IL1RAPL1: variants seen among roughly 807,000 people sequenced by gnomAD.
The protein encoded by IL1RAPL1 is interleukin-1 receptor accessory protein-like 1.
IL1RAPL1 carries 3 observed loss-of-function variants against 48.4 expected under a neutral mutation model. That is an observed-to-expected ratio of 0.06 (90% CI 0.03 to 0.16). The LOEUF is 0.16. Ranked by LOEUF, IL1RAPL1 falls within the 10% of genes least tolerant of loss-of-function variation. The pLI, the probability that IL1RAPL1 is intolerant of heterozygous loss-of-function variation, is 1.00. For missense variants in IL1RAPL1, 349 were observed against 530.6 expected (o/e 0.66, Z 3.36); for synonymous variants, 185 against 187.7 (o/e 0.99, Z 0.12).
Position 29,221,667 on chromosome X carries a change from A to G in IL1RAPL1, c.83-61271A>G, listed in dbSNP as rs1249544691. ...CACACACACACACACACACACACAC[A>G]CACACATATGACAGACTTCTCCAGC... On this transcript the variant is annotated intron_variant, in intron 2 of 10. Transcript: ENST00000378993. Among the ~76,000 whole-genome samples, 2 of 89,868 alleles carry G rather than the reference A, an allele frequency of 2.2e-5. 1 individual carries two copies. The highest frequency in any genetic ancestry group is 9.9e-4 in the South Asian group (2 of 2,020). The allele number at this position is 89,868 out of a possible 115,157, so 78.0% of individuals were successfully genotyped here.
chrX:29,171,010 T>C (rs1929896869), intron 2 of IL1RAPL1, among the ~76,000 whole-genome samples: 1 of 111,324 alleles, frequency 9.0e-6, no homozygotes, highest in African/African-American at 3.3e-5. Flanking sequence ...TTTTGTTTTG[T>C]TTTTGAGATG....
At chrX:29,677,321 AT>A (rs1368718508) in intron 6 of IL1RAPL1, among the ~76,000 whole-genome samples, 1 of 111,947 alleles carries the variant, frequency 8.9e-6, no homozygotes, top group African/African-American at 3.2e-5. Flanking sequence ...ATTCCCACAG[AT>A]TTGTGGGTAA....
intron 3 of IL1RAPL1, among the ~76,000 whole-genome samples, chrX:29,297,908 C>G (rs939988342): frequency 9.0e-6 from 1 of 111,679 alleles, no homozygotes; most frequent in Non-Finnish European, 1.9e-5. Flanking sequence ...TTGCAGCAAT[C>G]TGACAACAAA....
chrX:29,780,378 A>G (rs943481774), intron 6 of IL1RAPL1, among the ~76,000 whole-genome samples: 1 of 112,152 alleles, frequency 8.9e-6, no homozygotes, highest in African/African-American at 3.2e-5. Context: ...TAATTAGATT[A>G]TGTCACCAAA....
chrX:29,160,533 C>T (rs139969881), intron 2 of IL1RAPL1, among the ~76,000 whole-genome samples: 185 of 111,714 alleles, frequency 1.7e-3, no homozygotes, highest in African/African-American at 5.6e-3. Flanking sequence ...TGTACAATTG[C>T]CAAGCATGAT....
chrX:29,150,538 T>A (rs182320210), intron 2 of IL1RAPL1, among the ~76,000 whole-genome samples: 4 of 111,312 alleles, frequency 3.6e-5, no homozygotes, highest in South Asian at 3.8e-4. Flanking sequence ...TGAGCATTCC[T>A]TTCTGTTTGG....
chrX:28,823,241 G>A (rs1936957039), intron 2 of IL1RAPL1, among the ~76,000 whole-genome samples: 1 of 111,277 alleles, frequency 9.0e-6, no homozygotes, highest in Non-Finnish European at 1.9e-5. Flanking sequence ...GAATAAAGGT[G>A]GTGACAAAAA....
intron 2 of IL1RAPL1, among the ~76,000 whole-genome samples, chrX:29,194,751 C>T (rs941159948): frequency 1.8e-5 from 2 of 112,101 alleles, no homozygotes; most frequent in Non-Finnish European, 3.8e-5. Context: ...TAGCATCATA[C>T]TCAGCATTTA....
At chrX:29,334,251 C>A (rs1932940287) in intron 3 of IL1RAPL1, among the ~76,000 whole-genome samples, 1 of 67,695 alleles carries the variant, frequency 1.5e-5, no homozygotes, top group African/African-American at 6.7e-5. Context: ...CAGAGGGGCT[C>A]CTCACTTCCC....
At chrX:28,622,695 T>A (rs1285298168) in intron 1 of IL1RAPL1, among the ~76,000 whole-genome samples, 2 of 112,059 alleles carry the variant, frequency 1.8e-5, no homozygotes, top group Non-Finnish European at 3.8e-5. Context: ...GTGAATTGAT[T>A]CTAATCACAG....
intron 2 of IL1RAPL1, among the ~76,000 whole-genome samples, chrX:28,913,138 A>G (rs1923400940): frequency 9.0e-6 from 1 of 111,579 alleles, no homozygotes; most frequent in Admixed American, 9.6e-5. Context: ...AAGATGAGCA[A>G]AAGGACTTAA....
intron 5 of IL1RAPL1, among the ~76,000 whole-genome samples, chrX:29,475,939 T>C (rs181558384): frequency 3.9e-3 from 434 of 111,369 alleles, no homozygotes; most frequent in Non-Finnish European, 6.6e-3. Context: ...TTAGCATGAC[T>C]ATATTTTAGT....
chrX:29,716,561 T>G (rs1927490741), intron 6 of IL1RAPL1, among the ~76,000 whole-genome samples: 3 of 112,258 alleles, frequency 2.7e-5, no homozygotes, highest in African/African-American at 9.7e-5. Flanking sequence ...TTGAAATTAC[T>G]CTGAGGAGCA....
chrX:29,812,657 C>T (rs769715636), intron 6 of IL1RAPL1, among the ~76,000 whole-genome samples: 5 of 111,438 alleles, frequency 4.5e-5, no homozygotes, highest in African/African-American at 1.6e-4. Flanking sequence ...TAACGACACA[C>T]TTTTATGATG....
chrX:29,316,276 C>T (rs1442237491), intron 3 of IL1RAPL1, among the ~76,000 whole-genome samples: 2 of 112,020 alleles, frequency 1.8e-5, no homozygotes, highest in Non-Finnish European at 3.8e-5. Context: ...ACGAAAATGA[C>T]AGTGGTTATG....
intron 2 of IL1RAPL1, among the ~76,000 whole-genome samples, chrX:28,807,938 C>T: frequency 9.0e-6 from 1 of 110,540 alleles, no homozygotes; most frequent in Non-Finnish European, 1.9e-5. Context: ...GAAGAGGAGT[C>T]CCAAGTAGGA....
At chrX:28,774,719 G>A (rs61083236) in intron 1 of IL1RAPL1, among the ~76,000 whole-genome samples, 2,563 of 111,297 alleles carry the variant, frequency 0.023, 73 homozygotes, top group African/African-American at 0.079. Flanking sequence ...AAAGGTGGGG[G>A]ATTACACAAG....
intron 6 of IL1RAPL1, among the ~76,000 whole-genome samples, chrX:29,802,990 T>TATGTACGC (rs1569173307): frequency 2.6e-5 from 2 of 78,421 alleles, no homozygotes; most frequent in African/African-American, 5.6e-5. Context: ...CATGTGTACA[T>TATGTACGC]ATATATGTAT....
chrX:29,617,723 C>T (rs1924331831), intron 5 of IL1RAPL1, among the ~76,000 whole-genome samples: 1 of 112,272 alleles, frequency 8.9e-6, no homozygotes, highest in Non-Finnish European at 1.9e-5. Flanking sequence ...TTATGCACTA[C>T]TGCATTTGTT....
Sources: gnomAD v4.1 joint callset for allele counts (sites outside exome capture counted in the v4.1 genomes callset) on GRCh38, gnomAD v4.1.1 for gene constraint, MANE v1.5 for transcripts, NCBI Gene and HGNC (gene_info 2026-07-23, HGNC 2026-07-21) for gene names.